The following NCOA2 variants were observed in gnomAD, a reference collection of about 807,000 sequenced individuals.
NCOA2 encodes nuclear receptor coactivator 2, also known as class E basic helix-loop-helix protein 75.
Under a neutral mutation model 145.1 loss-of-function variants are expected in NCOA2, and 21 were observed. That is an observed-to-expected ratio of 0.14 (90% CI 0.10 to 0.21). The LOEUF (loss-of-function observed/expected upper bound fraction) is 0.21. Among genes scored for constraint, NCOA2 ranks in the 10% least tolerant of loss-of-function variants. The probability of loss-of-function intolerance (pLI) is 1.00; values close to 1 mark genes in which losing one functional copy is unlikely to be tolerated. For synonymous variants in NCOA2, 619 were observed against 637.5 expected, an observed-to-expected ratio of 0.97 and a Z score of 0.44; for missense variants, 1,472 against 1,837.6, an observed-to-expected ratio of 0.80 and a Z score of 3.64.
chr8:70,394,147 T>A (rs775480546), intron 1 of NCOA2, among the ~76,000 whole-genome samples: 7 of 152,202 alleles, frequency 4.6e-5, no homozygotes, highest in Non-Finnish European at 7.3e-5. Context: ...TGCTCAAATA[T>A]AATAAAATAA....
chr8:70,260,226 G>A (rs1202137391), intron 2 of NCOA2, among the ~76,000 whole-genome samples: 1 of 151,832 alleles, frequency 6.6e-6, no homozygotes. Flanking sequence ...CGCCCAGGCT[G>A]GAGAACAGTG....
At chr8:70,172,378 A>G (rs1814355226) in intron 5 of NCOA2, among the ~76,000 whole-genome samples, 1 of 152,220 alleles carries the variant, frequency 6.6e-6, no homozygotes, top group Admixed American at 6.5e-5. Context: ...ATGTTATTAA[A>G]CAGGCTCCTA....
chr8:70,441,416 AAAC>A, the NCOA2 span, among the ~76,000 whole-genome samples: 1,767 of 150,850 alleles, frequency 0.012, 43 homozygotes, highest in African/African-American at 0.04. Context: ...GAGAGAAAGA[AAAC>A]AAAGAGGGAG....
At chr8:70,405,615 G>A (rs933600559), upstream of NCOA2, among the ~76,000 whole-genome samples, 7 of 151,022 alleles carry the variant, frequency 4.6e-5, no homozygotes, top group Admixed American at 1.3e-4. Context: ...CTGAACTCCC[G>A]ATTTGCTTTC....
intron 22 of NCOA2, among the ~76,000 whole-genome samples, chr8:70,117,519 C>G (rs4571760): frequency 0.24 from 36,806 of 152,156 alleles, 5,569 homozygotes; most frequent in East Asian, 0.57. Flanking sequence ...CATTGTTTAT[C>G]AATATCTTTC....
intron 1 of NCOA2, among the ~76,000 whole-genome samples, chr8:70,325,046 A>G (rs1377810527): frequency 1.3e-5 from 2 of 152,192 alleles, no homozygotes; most frequent in South Asian, 2.1e-4. Context: ...TTTAAACATA[A>G]TAATTTACTA....
chr8:70,215,202 A>G (rs1001633200), intron 3 of NCOA2, among the ~76,000 whole-genome samples: 6 of 152,080 alleles, frequency 3.9e-5, no homozygotes, highest in Non-Finnish European at 7.4e-5. Context: ...AGAATAGCCC[A>G]GTTCCCATTC....
chr8:70,332,522 C>A (rs757963553), intron 1 of NCOA2, among the ~76,000 whole-genome samples: 7 of 152,040 alleles, frequency 4.6e-5, no homozygotes, highest in Non-Finnish European at 8.8e-5. Context: ...CTGCCAAAAT[C>A]CCCTTTGACT....
intron 2 of NCOA2, among the ~76,000 whole-genome samples, chr8:70,259,323 A>T (rs1034438091): frequency 1.3e-5 from 2 of 152,182 alleles, no homozygotes; most frequent in African/African-American, 2.4e-5. Flanking sequence ...AAAACTATTC[A>T]TGTTATATCA....
intron 1 of NCOA2, among the ~76,000 whole-genome samples, chr8:70,333,550 T>C (rs1236934061): frequency 1.3e-5 from 2 of 152,180 alleles, no homozygotes; most frequent in South Asian, 2.1e-4. Context: ...TGAATACACA[T>C]CAGCAGCAAA....
intron 19 of NCOA2, among the ~76,000 whole-genome samples, chr8:70,125,244 T>C (rs1808284089): frequency 6.6e-6 from 1 of 152,074 alleles, no homozygotes; most frequent in African/African-American, 2.4e-5. Context: ...ATCACTGCAA[T>C]TAGTTTAAAT....
intron 1 of NCOA2, among the ~76,000 whole-genome samples, chr8:70,317,192 C>T (rs569722048): frequency 6.6e-6 from 1 of 152,156 alleles, no homozygotes; most frequent in Non-Finnish European, 1.5e-5. Flanking sequence ...TGGATTCTAT[C>T]CTCTTTGTTT....
chr8:70,163,628 A>C (rs1813302639), intron 7 of NCOA2, 62 bp from the exon 8 acceptor site: 1 of 1,298,474 alleles, frequency 7.7e-7, no homozygotes, highest in African/African-American at 1.5e-5. Flanking sequence ...AACAAACCCA[A>C]GTGTATTTAT....
chr8:70,429,568 GT>G, the NCOA2 span, among the ~76,000 whole-genome samples: 228 of 152,276 alleles, frequency 1.5e-3, 4 homozygotes, highest in South Asian at 2.1e-3. Context: ...TCCCAGAGTT[GT>G]GATGGTTGTA....
chr8:70,126,206 A>G (rs1279941769), intron 19 of NCOA2, among the ~76,000 whole-genome samples: 1 of 152,206 alleles, frequency 6.6e-6, no homozygotes, highest in East Asian at 1.9e-4. Flanking sequence ...ATGCACACAA[A>G]TATTAATGTT....
At chr8:70,285,470 T>C (rs1262916721) in intron 2 of NCOA2, among the ~76,000 whole-genome samples, 1 of 152,246 alleles carries the variant, frequency 6.6e-6, no homozygotes, top group Non-Finnish European at 1.5e-5. Context: ...ACTCCTGTTG[T>C]GATGATCTAA....
intron 1 of NCOA2, among the ~76,000 whole-genome samples, chr8:70,369,941 G>A (rs533449455): frequency 5.3e-5 from 8 of 151,338 alleles, no homozygotes; most frequent in African/African-American, 1.2e-4. Context: ...TCATTCTGTC[G>A]CCCAGGCTGG....
chr8:70,379,771 CAG>C (rs1042061554), intron 1 of NCOA2, among the ~76,000 whole-genome samples: 1 of 152,014 alleles, frequency 6.6e-6, no homozygotes, highest in Non-Finnish European at 1.5e-5. Flanking sequence ...GTAGCAAAAA[CAG>C]AGTCTTGTCC....
At chr8:70,217,863 G>C (rs1819772123) in intron 2 of NCOA2, among the ~76,000 whole-genome samples, 1 of 151,968 alleles carries the variant, frequency 6.6e-6, no homozygotes, top group Non-Finnish European at 1.5e-5. Flanking sequence ...GTCTTTCCTA[G>C]AGCTCCTATT....
Sources: allele counts gnomAD v4.1 joint callset (sites outside exome capture counted in the v4.1 genomes callset), GRCh38; gene constraint gnomAD v4.1.1; transcripts MANE v1.5; gene names NCBI Gene and HGNC (gene_info 2026-07-23, HGNC 2026-07-21).